FBN1: variants seen among roughly 807,000 people sequenced by gnomAD.
FBN1 encodes fibrillin-1.
In FBN1, 29 loss-of-function variants were observed where a neutral mutation model predicts 365.1. The observed-to-expected ratio is 0.08, with a 90% CI of 0.06 to 0.11. The LOEUF (loss-of-function observed/expected upper bound fraction) is 0.11. Among genes scored for constraint, FBN1 ranks in the 10% least tolerant of loss-of-function variants. The probability of loss-of-function intolerance (pLI) is 1.00; values close to 1 mark genes in which losing one functional copy is unlikely to be tolerated. For synonymous variants in FBN1, 1,210 were observed against 1,270.5 expected (o/e 0.95, Z 1.01); for missense variants, 2,476 against 3,703.2 (o/e 0.67, Z 8.60).
At chr15:48,596,473 C>A in intron 5 of FBN1, 95 bp from the exon 6 acceptor site, 1 of 1,161,786 alleles carries the variant, frequency 8.6e-7, no homozygotes, top group South Asian at 1.3e-5. Flanking sequence ...AATAAAATGT[C>A]TAAAGTCACC....
chr15:48,438,121 C>T (rs964472971), intron 50 of FBN1, among the ~76,000 whole-genome samples: 1 of 152,156 alleles, frequency 6.6e-6, no homozygotes, highest in Non-Finnish European at 1.5e-5. Flanking sequence ...ATGAACAACT[C>T]TATGAACTTA....
intron 2 of FBN1, among the ~76,000 whole-genome samples, chr15:48,622,679 A>G (rs1597639265): frequency 6.6e-6 from 1 of 152,002 alleles, no homozygotes; most frequent in African/African-American, 2.4e-5. Flanking sequence ...AATGTTAAAC[A>G]TCTCATTATT....
intron 8 of FBN1, among the ~76,000 whole-genome samples, chr15:48,528,339 A>C (rs564177716): frequency 1.3e-5 from 2 of 152,274 alleles, no homozygotes; most frequent in East Asian, 3.9e-4. Flanking sequence ...CCCTTTATTG[A>C]AGATAACAAT....
chr15:48,483,634 G>C (rs185170966), intron 31 of FBN1, among the ~76,000 whole-genome samples, 184 bp downstream of exon 31: 53 of 152,316 alleles, frequency 3.5e-4, no homozygotes, highest in Non-Finnish European at 8.8e-5. Flanking sequence ...TCTGACAAGA[G>C]TACCATTTAA....
chr15:48,616,873 CTT>C (rs1889664048), intron 2 of FBN1, among the ~76,000 whole-genome samples: 1 of 152,068 alleles, frequency 6.6e-6, no homozygotes, highest in African/African-American at 2.4e-5. Flanking sequence ...AATAACAACT[CTT>C]TGAGGTAATT....
At chr15:48,516,466 T>C (rs772381297) in intron 10 of FBN1, 104 bp from the exon 11 acceptor site, 34 of 1,232,440 alleles carry the variant, frequency 2.8e-5, no homozygotes, top group Non-Finnish European at 3.8e-5. Flanking sequence ...TTGAATAAAA[T>C]TGATCCTCAA....
chr15:48,610,911 G>C (rs1336486956), intron 3 of FBN1, 85 bp from the exon 4 acceptor site: 2 of 1,114,208 alleles, frequency 1.8e-6, no homozygotes, highest in African/African-American at 3.1e-5. Flanking sequence ...AGGAAACCTG[G>C]GTTCTCAGGT....
At chr15:48,430,415 G>T (rs556397126) in intron 56 of FBN1, among the ~76,000 whole-genome samples, 2 of 152,314 alleles carry the variant, frequency 1.3e-5, no homozygotes, top group East Asian at 3.9e-4. Flanking sequence ...ATAGAGAAAA[G>T]GCATGCTGTT....
At chr15:48,481,572 T>C (rs2043465195) in intron 32 of FBN1, 83 bp downstream of exon 32, 1 of 1,414,868 alleles carries the variant, frequency 7.1e-7, no homozygotes, top group South Asian at 1.3e-5. Context: ...AATGTATGAG[T>C]TTTAAAACAT....
chr15:48,430,360 T>C (rs1388078803), intron 56 of FBN1, among the ~76,000 whole-genome samples: 1 of 152,080 alleles, frequency 6.6e-6, no homozygotes. Flanking sequence ...ATGGGGAGAA[T>C]TGACCCCCAA....
At chr15:48,480,011 A>G (rs749862676) in intron 32 of FBN1, among the ~76,000 whole-genome samples, 1 of 152,198 alleles carries the variant, frequency 6.6e-6, no homozygotes, top group Non-Finnish European at 1.5e-5. Flanking sequence ...CTGCGCCAAC[A>G]GCATTGTATA....
In FBN1 at chr15:48,432,848, T is replaced by C; in HGVS notation, c.6739+18A>G. 6.2e-7 allele frequency: 1 copy of C among 1,613,202 alleles called. No homozygotes were observed. The highest frequency in any genetic ancestry group is 8.5e-7 in the Non-Finnish European group (1 of 1,179,432). ...ATAAAGCTTCCTGGCTTAGATGACC[T>C]TGAACACGATGACTCACCTTTGCAC... On this transcript the variant is annotated intron_variant, in intron 55 of 65. Transcript: ENST00000316623.
chr15:48,625,763 A>G (rs1044655193), intron 2 of FBN1, among the ~76,000 whole-genome samples: 3 of 152,192 alleles, frequency 2.0e-5, no homozygotes, highest in Non-Finnish European at 4.4e-5. Context: ...TTTGAATCCT[A>G]TTTGGTGACT....
At chr15:48,574,572 A>C (rs2044331094) in intron 6 of FBN1, among the ~76,000 whole-genome samples, 1 of 152,186 alleles carries the variant, frequency 6.6e-6, no homozygotes, top group South Asian at 2.1e-4. Flanking sequence ...ATTCAAAAAA[A>C]AAAAAACATA....
At chr15:48,554,695 G>C (rs1358606243) in intron 6 of FBN1, among the ~76,000 whole-genome samples, 1 of 152,068 alleles carries the variant, frequency 6.6e-6, no homozygotes, top group Non-Finnish European at 1.5e-5. Context: ...CTGTAAATGT[G>C]TCATATAGTG....
intron 6 of FBN1, among the ~76,000 whole-genome samples, chr15:48,565,399 C>T (rs2044252644): frequency 6.6e-6 from 1 of 152,064 alleles, no homozygotes; most frequent in Non-Finnish European, 1.5e-5. Context: ...TATAATCCCA[C>T]CACCCAGAGT....
At chr15:48,525,475 T>A (rs373838068) in intron 9 of FBN1, among the ~76,000 whole-genome samples, 2 of 152,306 alleles carry the variant, frequency 1.3e-5, no homozygotes, top group East Asian at 3.9e-4. Context: ...AAAGTGAAAT[T>A]GCTATGCCTA....
intron 6 of FBN1, among the ~76,000 whole-genome samples, chr15:48,563,358 A>C (rs554623638): frequency 5.3e-5 from 8 of 152,200 alleles, no homozygotes; most frequent in African/African-American, 1.9e-4. Context: ...TAGGTAAATA[A>C]ATTAATTAAT....
At position 48,632,647 on chromosome 15, in the gene FBN1, C is replaced by T. The variant is rs56132125; in HGVS notation, c.164+11959G>A. On this transcript the variant is annotated intron_variant, in intron 2 of 65. Coordinates refer to ENST00000316623, the MANE Select transcript of FBN1 (RefSeq NM_000138.5). Reference sequence around the variant, plus strand: ...GGTTATTAGTGATCATTGAAAATGACTCCTTGGTCCTTTAAAATATGGTCC... The same window carrying T: ...GGTTATTAGTGATCATTGAAAATGATTCCTTGGTCCTTTAAAATATGGTCC... Among the ~76,000 whole-genome samples, 1,015 of 152,262 alleles carry T rather than the reference C, an allele frequency of 6.7e-3. 10 individuals carry two copies. The highest frequency in any genetic ancestry group is 0.023 in the African/African-American group (965 of 41,550).
Sources: gnomAD v4.1 joint callset for allele counts (sites outside exome capture counted in the v4.1 genomes callset) on GRCh38, gnomAD v4.1.1 for gene constraint, MANE v1.5 for transcripts, NCBI Gene and HGNC (gene_info 2026-07-23, HGNC 2026-07-21) for gene names.